RBM47: variants seen among roughly 807,000 people sequenced by gnomAD.
RBM47 encodes the protein RNA binding motif protein 47, also known as RNA-binding protein 47.
A neutral mutation model predicts 47.1 loss-of-function variants in RBM47; 21 were observed. That is an observed-to-expected ratio of 0.45 (90% CI 0.32 to 0.64). The LOEUF is 0.64. Among genes scored for constraint, RBM47 ranks in the 30% least tolerant of loss-of-function variants. RBM47 has a pLI of 0.05. For missense variants in RBM47, 708 were observed against 870.9 expected, an observed-to-expected ratio of 0.81 and a Z score of 2.35; for synonymous variants, 375 against 361.7, an observed-to-expected ratio of 1.04 and a Z score of -0.42.
intron 1 of RBM47, among the ~76,000 whole-genome samples, chr4:40,608,039 T>C (rs1389215725): frequency 6.7e-6 from 1 of 149,492 alleles, no homozygotes; most frequent in Non-Finnish European, 1.5e-5. Context: ...GAGGTGGAGG[T>C]TGCAGTGAGC....
intron 3 of RBM47, among the ~76,000 whole-genome samples, chr4:40,457,246 C>T (rs1208823112): frequency 6.6e-6 from 1 of 151,080 alleles, no homozygotes; most frequent in African/African-American, 2.4e-5. Flanking sequence ...ATGGTGAAAT[C>T]CCATCTCTAC....
intron 2 of RBM47, among the ~76,000 whole-genome samples, chr4:40,537,113 G>A (rs375250259): frequency 1.3e-5 from 2 of 152,160 alleles, no homozygotes; most frequent in South Asian, 4.1e-4. Flanking sequence ...TTTATTTTAT[G>A]TTATTTATTT....
chr4:40,617,525 C>T (rs1736861506), intron 1 of RBM47, among the ~76,000 whole-genome samples: 1 of 151,994 alleles, frequency 6.6e-6, no homozygotes, highest in Non-Finnish European at 1.5e-5. Context: ...TGCCACTGCA[C>T]TCCAGCCTGG....
intron 1 of RBM47, among the ~76,000 whole-genome samples, chr4:40,548,608 C>T (rs1467942081): frequency 1.3e-5 from 2 of 152,188 alleles, no homozygotes; most frequent in African/African-American, 4.8e-5. Flanking sequence ...CCACGGGTGA[C>T]ACTGCCCAAG....
At chr4:40,456,064 GTA>G in intron 3 of RBM47, among the ~76,000 whole-genome samples, 1 of 152,202 alleles carries the variant, frequency 6.6e-6, no homozygotes. Context: ...TGTGAAATGT[GTA>G]GTTATAATGG....
At chr4:40,618,009 G>C (rs948321988) in intron 1 of RBM47, among the ~76,000 whole-genome samples, 11 of 152,142 alleles carry the variant, frequency 7.2e-5, no homozygotes, top group Non-Finnish European at 1.5e-4. Flanking sequence ...GGGAGGCTGA[G>C]GCAAGCTGAT....
chr4:40,553,312 T>C (rs1270217432), intron 1 of RBM47, among the ~76,000 whole-genome samples: 1 of 151,222 alleles, frequency 6.6e-6, no homozygotes, highest in Non-Finnish European at 1.5e-5. Flanking sequence ...TTTATTTTAT[T>C]TTTGAGACAG....
intron 1 of RBM47, among the ~76,000 whole-genome samples, chr4:40,620,954 A>C (rs1737211269): frequency 6.6e-6 from 1 of 151,806 alleles, no homozygotes; most frequent in East Asian, 1.9e-4. Flanking sequence ...TATTTTTTGA[A>C]CTCCTCAACA....
intron 2 of RBM47, among the ~76,000 whole-genome samples, chr4:40,488,527 T>C (rs951537701): frequency 2.0e-5 from 3 of 152,148 alleles, no homozygotes; most frequent in African/African-American, 7.2e-5. Context: ...GGGTGGATGA[T>C]CAAATAAGCA....
At chr4:40,621,132 T>C (rs1395243762) in intron 1 of RBM47, among the ~76,000 whole-genome samples, 1 of 152,202 alleles carries the variant, frequency 6.6e-6, no homozygotes, top group Non-Finnish European at 1.5e-5. Flanking sequence ...CTATTGCCTT[T>C]TTTTTACTGC....
chr4:40,535,336 T>C (rs1308150832), intron 2 of RBM47, among the ~76,000 whole-genome samples: 1 of 150,778 alleles, frequency 6.6e-6, no homozygotes, highest in Middle Eastern at 3.2e-3. Context: ...TGGTTTGTGT[T>C]CAGCACCTTT....
intron 1 of RBM47, among the ~76,000 whole-genome samples, chr4:40,557,833 A>G (rs1730248021): frequency 6.6e-6 from 1 of 152,206 alleles, no homozygotes; most frequent in South Asian, 2.1e-4. Flanking sequence ...AGACAAACAC[A>G]AGGCCTTCTC....
intron 1 of RBM47, among the ~76,000 whole-genome samples, chr4:40,625,340 T>C (rs1056620857): frequency 6.6e-5 from 10 of 152,214 alleles, no homozygotes; most frequent in African/African-American, 2.4e-4. Flanking sequence ...TTTGTTTTTC[T>C]TGGGGCACGT....
At position 40,622,113 on chromosome 4, in the gene RBM47, C is replaced by T. The variant is rs114999365; in HGVS notation, c.-240+7283G>A. Reference sequence around the variant, plus strand: ...TATGGAGCACCTACTCTGTGGCAGACGCTCCTCTAATGTGCTTGGGATACA... The same window carrying T: ...TATGGAGCACCTACTCTGTGGCAGATGCTCCTCTAATGTGCTTGGGATACA... On this transcript the variant is annotated intron_variant, in intron 1 of 6. Coordinates refer to ENST00000295971, the MANE Select transcript of RBM47 (RefSeq NM_001098634.2). Among the ~76,000 whole-genome samples the T allele has an allele frequency of 3.5e-3, 534 of 152,328 alleles. 3 individuals are homozygous for T. The highest frequency in any genetic ancestry group is 0.012 in the African/African-American group (502 of 41,578).
chr4:40,626,819 C>T (rs1354369103), intron 1 of RBM47, among the ~76,000 whole-genome samples: 6 of 151,978 alleles, frequency 3.9e-5, no homozygotes, highest in Non-Finnish European at 2.9e-5. Flanking sequence ...GATTCAGGAC[C>T]ACACACAAAA....
intron 3 of RBM47, among the ~76,000 whole-genome samples, chr4:40,446,528 AG>A (rs1184449000): frequency 1.3e-5 from 2 of 152,102 alleles, no homozygotes; most frequent in African/African-American, 4.8e-5. Flanking sequence ...GCTTGAGCTC[AG>A]GAGCTTGAGA....
At chr4:40,472,821 G>A (rs528147087) in intron 2 of RBM47, among the ~76,000 whole-genome samples, 3 of 151,956 alleles carry the variant, frequency 2.0e-5, no homozygotes, top group East Asian at 1.9e-4. Flanking sequence ...GCTCTCAAAG[G>A]AAACCAGATA....
chr4:40,552,212 C>G (rs1309638675), intron 1 of RBM47, among the ~76,000 whole-genome samples: 1 of 151,818 alleles, frequency 6.6e-6, no homozygotes, highest in African/African-American at 2.4e-5. Context: ...CCCTGGCTAA[C>G]ATGGTGAAAC....
At chr4:40,528,170 T>C (rs185156576) in intron 2 of RBM47, among the ~76,000 whole-genome samples, 1 of 152,272 alleles carries the variant, frequency 6.6e-6, no homozygotes, top group Admixed American at 6.5e-5. Flanking sequence ...CCCAGCACTT[T>C]GGGAGGCCAA....
Sources: gnomAD v4.1 joint callset for allele counts (sites outside exome capture counted in the v4.1 genomes callset) on GRCh38, gnomAD v4.1.1 for gene constraint, MANE v1.5 for transcripts, NCBI Gene and HGNC (gene_info 2026-07-23, HGNC 2026-07-21) for gene names.